CIMAP1D: variants seen among roughly 807,000 people sequenced by gnomAD.
CIMAP1D encodes protein CIMAP1D.
chr19:463,661 G>C, the CIMAP1D span: 19 of 872,452 alleles, frequency 2.2e-5, no homozygotes, highest in Non-Finnish European at 3.2e-5. Flanking sequence ...CCTGCACAGG[G>C]CCATGGGTCA....
At chr19:464,080 C>T in the CIMAP1D span, 37,741 of 1,554,230 alleles carry the variant, frequency 0.024, 621 homozygotes, top group African/African-American at 0.071. Flanking sequence ...TAGGTGTTTG[C>T]GTCCGGGCTG....
At chr19:463,503 G>A in the CIMAP1D span, 1 of 379,566 alleles carries the variant, frequency 2.6e-6, no homozygotes, top group Non-Finnish European at 4.8e-6. Context: ...CCCTAGTGGA[G>A]CTGGACGCCG....
chr19:474,979 C>G, the CIMAP1D span: 3 of 405,298 alleles, frequency 7.4e-6, no homozygotes, highest in African/African-American at 6.2e-5. Context: ...GGGCCGGGAT[C>G]GAGTGTCGGC....
the CIMAP1D span, among the ~76,000 whole-genome samples, chr19:470,999 A>G: frequency 1.3e-5 from 2 of 152,224 alleles, no homozygotes; most frequent in East Asian, 3.9e-4. Context: ...GAGATACACC[A>G]CAGCCCTGTG....
At chr19:474,067 G>A in the CIMAP1D span, among the ~76,000 whole-genome samples, 3 of 152,158 alleles carry the variant, frequency 2.0e-5, no homozygotes, top group Admixed American at 6.5e-5. Context: ...GGTCACAGAC[G>A]CCATGTGTTG....
chr19:491,256 G>A, the CIMAP1D span, among the ~76,000 whole-genome samples: 6 of 152,142 alleles, frequency 3.9e-5, no homozygotes, highest in Non-Finnish European at 7.3e-5. Context: ...CAGCCTGGGC[G>A]ACAGAGTGAC....
the CIMAP1D span, chr19:472,332 G>C: frequency 9.9e-7 from 1 of 1,009,078 alleles, no homozygotes; most frequent in Non-Finnish European, 1.4e-6. Context: ...AGACCCATCA[G>C]TGCTCCTGGG....
At chr19:472,584 C>G in the CIMAP1D span, 211 of 969,560 alleles carry the variant, frequency 2.2e-4, no homozygotes, top group East Asian at 5.8e-3. Flanking sequence ...GAGCCTTAGC[C>G]TGGGTTCCCC....
At chr19:480,546 GGATGATGGAGAACGATGATGGAGAAC>G in the CIMAP1D span, among the ~76,000 whole-genome samples, 2 of 100,686 alleles carry the variant, frequency 2.0e-5, no homozygotes, top group Non-Finnish European at 2.3e-5. Context: ...TGATGGGGAA[GGATGATGGAGAACGATGATGGAGAAC>G]GATGATGGAG....
chr19:466,752 G>A, the CIMAP1D span, among the ~76,000 whole-genome samples: 2 of 135,648 alleles, frequency 1.5e-5, no homozygotes, highest in Non-Finnish European at 3.1e-5. Flanking sequence ...TGGATGGGTG[G>A]ATGGTTGGGT....
chr19:466,095 G>GAT, the CIMAP1D span, among the ~76,000 whole-genome samples: 1 of 146,540 alleles, frequency 6.8e-6, no homozygotes, highest in Non-Finnish European at 1.5e-5. Context: ...GTTGGGTGCA[G>GAT]GGTGGATGTA....
At chr19:489,019 GC>G in the CIMAP1D span, among the ~76,000 whole-genome samples, 1 of 152,084 alleles carries the variant, frequency 6.6e-6, no homozygotes, top group Non-Finnish European at 1.5e-5. Flanking sequence ...GGCTAGAGCG[GC>G]CCCGCCAGCG....
the CIMAP1D span, among the ~76,000 whole-genome samples, chr19:484,939 C>T: frequency 6.6e-6 from 1 of 152,114 alleles, no homozygotes; most frequent in Non-Finnish European, 1.5e-5. Flanking sequence ...GGTAGGGAAG[C>T]CCGGGGGAGG....
chr19:470,949 C>T, the CIMAP1D span, among the ~76,000 whole-genome samples: 1 of 152,324 alleles, frequency 6.6e-6, no homozygotes, highest in East Asian at 1.9e-4. Flanking sequence ...GCCGGTGCAC[C>T]CCATGCCTGC....
At chr19:467,148 G>C in the CIMAP1D span, among the ~76,000 whole-genome samples, 1 of 135,618 alleles carries the variant, frequency 7.4e-6, no homozygotes, top group Non-Finnish European at 1.6e-5. Flanking sequence ...AGATGGATGG[G>C]TGGGTGGTTG....
At chr19:489,936 G>T in the CIMAP1D span, 15,412 of 397,588 alleles carry the variant, frequency 0.039, 934 homozygotes, top group East Asian at 0.22. Flanking sequence ...CCCACATTTG[G>T]CCCCTGCCCG....
At chr19:472,354 G>A in the CIMAP1D span, 3 of 1,218,050 alleles carry the variant, frequency 2.5e-6, no homozygotes, top group Non-Finnish European at 3.3e-6. Flanking sequence ...GGAGATTGGA[G>A]GATCAGGGAA....
chr19:466,030 ATGGG>A, the CIMAP1D span, among the ~76,000 whole-genome samples: 1 of 100,740 alleles, frequency 9.9e-6, no homozygotes, highest in Non-Finnish European at 1.9e-5. Flanking sequence ...GGATAGATGG[ATGGG>A]TGGGTGGATG....
chr19:467,586 C>A, the CIMAP1D span: 1 of 1,010,756 alleles, frequency 9.9e-7, no homozygotes, highest in South Asian at 1.3e-5. Context: ...GAGGACAGGG[C>A]AGGAGAGTCG....
Sources: gnomAD v4.1 joint callset for allele counts (sites outside exome capture counted in the v4.1 genomes callset) on GRCh38, gnomAD v4.1.1 for gene constraint, MANE v1.5 for transcripts, NCBI Gene and HGNC (gene_info 2026-07-23, HGNC 2026-07-21) for gene names.